Variants in DNAI3 observed in about 807,000 individuals in gnomAD.
DNAI3 encodes the protein WD repeat domain 63.
A neutral mutation model predicts 115.5 loss-of-function variants in DNAI3; 83 were observed. The ratio of observed to expected loss-of-function variants is 0.72; its 90% CI spans 0.60 to 0.86. The LOEUF (loss-of-function observed/expected upper bound fraction) is 0.86. Among genes scored for constraint, DNAI3 ranks in the 40% least tolerant of loss-of-function variants. The probability of loss-of-function intolerance (pLI) is 0.00; values close to 1 mark genes in which losing one functional copy is unlikely to be tolerated. For synonymous variants in DNAI3, 320 were observed against 347.0 expected (o/e 0.92, Z 0.86); for missense variants, 1,004 against 1,075.8 (o/e 0.93, Z 0.93).
rs535336243 is a variant in DNAI3 at position 85,095,554 on chromosome 1, A to G, written c.1174-377A>G. ...TGCCTGGCTCAGTATTCAGCAAGCA[A>G]CAAAACAGACACAGATCCTGTCCTC... On this transcript the variant is annotated intron_variant, in intron 10 of 22. Transcript: ENST00000294664. Among the ~76,000 whole-genome samples the G allele has an allele frequency of 1.7e-4, 26 of 152,306 alleles. 1 individual carries two copies. Among genetic ancestry groups the G allele is most frequent in the Middle Eastern group, 6.8e-3 (2 of 294 alleles).
At chr1:85,121,539 G>T (rs1655995022) in intron 17 of DNAI3, among the ~76,000 whole-genome samples, 1 of 152,196 alleles carries the variant, frequency 6.6e-6, no homozygotes, top group East Asian at 1.9e-4. Context: ...ATTATATGTG[G>T]ATAAAAACAC....
At chr1:85,116,647 A>G (rs1655826428) in intron 16 of DNAI3, among the ~76,000 whole-genome samples, 1 of 152,248 alleles carries the variant, frequency 6.6e-6, no homozygotes, top group Non-Finnish European at 1.5e-5. Flanking sequence ...AATGGGTACA[A>G]AATGCCTTTT....
chr1:85,096,389 C>T (rs1325561782), intron 11 of DNAI3, among the ~76,000 whole-genome samples: 1 of 151,098 alleles, frequency 6.6e-6, no homozygotes, highest in Non-Finnish European at 1.5e-5. Context: ...AGGGGATGAT[C>T]CAGAACTTAA....
At chr1:85,082,427 T>C in intron 5 of DNAI3, 23 bp downstream of exon 5, 1 of 1,583,476 alleles carries the variant, frequency 6.3e-7, no homozygotes, top group Non-Finnish European at 8.7e-7. Context: ...CAAGCCCTTG[T>C]AATTTGTTTG....
Position 85,126,677 on chromosome 1 carries a change from T to G in DNAI3, c.2279T>G (p.Ile760Arg), listed in dbSNP as rs1479199656. Residue 760 changes from isoleucine to arginine, a missense_variant, in exon 20 of 23, where the codon ATA becomes AGA. Coordinates refer to ENST00000294664, the MANE Select transcript of DNAI3 (RefSeq NM_145172.5). The part of the protein sequence containing the change: ...HEPAQSQNIC[I>R]TMITYIKPWI... ...CCAGCCCAGTCTCAAAACATTTGCA[T>G]AACTATGATCACCTACATCAAACCC... 1.2e-6 allele frequency: 2 copies of G among 1,614,154 alleles called. No individual in the cohort carries two copies. Among genetic ancestry groups the G allele is most frequent in the African/African-American group, 2.7e-5 (2 of 75,056 alleles).
At position 85,119,690 on chromosome 1, in the gene DNAI3, CCTTTTTT is replaced by C. The variant is rs1029475668; in HGVS notation, c.1917+1846_1917+1852del. ...TCTCACTCTGGCAGCTCTGTTTTTT[CCTTTTTT>C]CTTTTTTCTTTTTTTTTTGAGATGG... On this transcript the variant is annotated intron_variant, in intron 17 of 22. Transcript: ENST00000294664. Among the ~76,000 whole-genome samples, 22 of 152,030 alleles carry C rather than the reference CCTTTTTT, an allele frequency of 1.4e-4. No homozygotes were observed. The South Asian group carries it at 2.1e-3, about 14-fold the overall frequency.
At chr1:85,095,480 A>G (rs771296837) in intron 10 of DNAI3, among the ~76,000 whole-genome samples, 18 of 152,152 alleles carry the variant, frequency 1.2e-4, no homozygotes, top group Non-Finnish European at 8.8e-5. Context: ...CTCTCTCACT[A>G]GAGTTTTCTA....
At chr1:85,113,047 A>C (rs1037245677) in intron 16 of DNAI3, among the ~76,000 whole-genome samples, 5 of 152,176 alleles carry the variant, frequency 3.3e-5, no homozygotes, top group African/African-American at 4.8e-5. Context: ...AGGATTATGG[A>C]TGTGAGCCAC....
At chr1:85,068,940 G>A (rs866764351) in intron 1 of DNAI3, among the ~76,000 whole-genome samples, 2 of 152,326 alleles carry the variant, frequency 1.3e-5, no homozygotes, top group African/African-American at 4.8e-5. Context: ...CTGTGAAAGT[G>A]GTATGTGTGA....
chr1:85,097,183 G>A (rs867233961), intron 11 of DNAI3, among the ~76,000 whole-genome samples: 1 of 151,926 alleles, frequency 6.6e-6, no homozygotes, highest in African/African-American at 2.4e-5. Context: ...TTGGACAGTC[G>A]GGTGTTTGTA....
intron 3 of DNAI3, among the ~76,000 whole-genome samples, chr1:85,075,728 T>C (rs969914010): frequency 6.6e-6 from 1 of 152,208 alleles, no homozygotes; most frequent in African/African-American, 2.4e-5. Flanking sequence ...AATATAATTT[T>C]TACACATAGC....
chr1:85,093,566 G>A lies in DNAI3; in HGVS notation c.966G>A (p.Leu322=), dbSNP rs1655042901. ...GTFGDKTDTH[L]KEYQSFTDLH... ...TTGGGGACAAGACCGATACCCACCT[G>A]AAAGAGTACCAGTCCTTTACCGACC... The change falls in exon 9 of 23, where the codon CTG becomes CTA. Residue 322 remains leucine, a synonymous_variant. Transcript: ENST00000294664. 2 of 1,614,148 alleles carry A rather than the reference G, an allele frequency of 1.2e-6. No homozygotes were observed. The highest frequency in any genetic ancestry group is 1.1e-5 in the South Asian group (1 of 91,082).
At chr1:85,119,130 G>A (rs541808186) in intron 17 of DNAI3, among the ~76,000 whole-genome samples, 6 of 152,256 alleles carry the variant, frequency 3.9e-5, no homozygotes, top group African/African-American at 1.4e-4. Context: ...TTTTTTAATT[G>A]TGGTAAAATA....
rs1464155324 is a variant in DNAI3, at chr1:85,117,724, GA to G, written c.1787-2del. ...GTACTTCTTCTACCCACACTCCTCT[GA>G]AAGACAAAATGTTAGCACAGAGCAA... On this transcript the variant is annotated splice_polypyrimidine_tract_variant and splice_region_variant and intron_variant, in intron 16 of 22. Coordinates refer to ENST00000294664, the MANE Select transcript of DNAI3 (RefSeq NM_145172.5). 6.2e-7 allele frequency: 1 copy of G among 1,612,778 alleles called. No homozygotes were observed. Among genetic ancestry groups the G allele is most frequent in the Non-Finnish European group, 8.5e-7 (1 of 1,179,076 alleles).
chr1:85,092,495 G>T (rs1271762297), intron 8 of DNAI3, among the ~76,000 whole-genome samples: 1 of 151,978 alleles, frequency 6.6e-6, no homozygotes, highest in East Asian at 1.9e-4. Flanking sequence ...TAAAACCTTG[G>T]GTGGCATTCT....
At chr1:85,087,451 A>G (rs1390039607) in intron 7 of DNAI3, among the ~76,000 whole-genome samples, 1 of 150,366 alleles carries the variant, frequency 6.7e-6, no homozygotes, top group African/African-American at 2.4e-5. Context: ...AAAAAAAAAA[A>G]AAAAAAAAGA....
intron 8 of DNAI3, among the ~76,000 whole-genome samples, chr1:85,091,816 G>A (rs1215316531): frequency 6.6e-6 from 1 of 152,114 alleles, no homozygotes; most frequent in East Asian, 1.9e-4. Context: ...GGAGCTACAT[G>A]GTTCCAGGAA....
chr1:85,129,128 G>A (rs978724497), intron 21 of DNAI3, among the ~76,000 whole-genome samples: 8 of 151,884 alleles, frequency 5.3e-5, no homozygotes, highest in Non-Finnish European at 1.0e-4. Context: ...TTCCCTGAGG[G>A]CCCAGTTGAC....
intron 21 of DNAI3, among the ~76,000 whole-genome samples, chr1:85,129,723 G>A (rs1308012050): frequency 1.3e-5 from 2 of 152,068 alleles, no homozygotes; most frequent in African/African-American, 4.8e-5. Flanking sequence ...TAGCACAGTA[G>A]CCCCTGAATT....
Sources: gnomAD v4.1 joint callset for allele counts (sites outside exome capture counted in the v4.1 genomes callset) on GRCh38, gnomAD v4.1.1 for gene constraint, MANE v1.5 for transcripts, NCBI Gene and HGNC (gene_info 2026-07-23, HGNC 2026-07-21) for gene names.